PARD3B: variants seen among roughly 807,000 people sequenced by gnomAD.
PARD3B encodes the protein partitioning defective 3 homolog B.
PARD3B carries 103 observed loss-of-function variants against 130.2 expected under a neutral mutation model. The ratio of observed to expected loss-of-function variants is 0.79; its 90% CI spans 0.67 to 0.93. The LOEUF (loss-of-function observed/expected upper bound fraction) is 0.93, where lower values mean the gene tolerates loss of function less well. PARD3B is among the 40% of genes least tolerant of loss of function. The pLI, the probability that PARD3B is intolerant of heterozygous loss-of-function variation, is 0.00. For synonymous variants in PARD3B, 583 were observed against 553.2 expected, an observed-to-expected ratio of 1.05 and a Z score of -0.76; for missense variants, 1,609 against 1,499.2, an observed-to-expected ratio of 1.07 and a Z score of -1.21.
intron 18 of PARD3B, among the ~76,000 whole-genome samples, chr2:205,387,797 C>G (rs138031118): frequency 6.6e-6 from 1 of 152,262 alleles, no homozygotes; most frequent in Non-Finnish European, 1.5e-5. Flanking sequence ...ATACAGGTTG[C>G]AGATGCTCTG....
intron 2 of PARD3B, among the ~76,000 whole-genome samples, chr2:204,838,727 A>C (rs1020515986): frequency 2.0e-5 from 3 of 152,192 alleles, no homozygotes; most frequent in Admixed American, 2.0e-4. Flanking sequence ...TCTTTCTAGC[A>C]TACAGAAAAG....
At chr2:205,087,921 A>G (rs1701841895) in intron 4 of PARD3B, among the ~76,000 whole-genome samples, 1 of 152,176 alleles carries the variant, frequency 6.6e-6, no homozygotes, top group African/African-American at 2.4e-5. Context: ...CATACCAAAA[A>G]AAATACTTAA....
intron 21 of PARD3B, among the ~76,000 whole-genome samples, chr2:205,544,812 T>C (rs2052315489): frequency 6.6e-6 from 1 of 152,206 alleles, no homozygotes; most frequent in African/African-American, 2.4e-5. Flanking sequence ...GTGTTAGTGG[T>C]CAACATAAAT....
chr2:204,729,956 A>G (rs1380653289), intron 2 of PARD3B, among the ~76,000 whole-genome samples: 3 of 150,014 alleles, frequency 2.0e-5, no homozygotes, highest in Middle Eastern at 3.2e-3. Context: ...TATGTAAAGC[A>G]TTATTCTTTC....
Position 204,716,534 on chromosome 2 carries a change from G to A in PARD3B, c.222+30252G>A, listed in dbSNP as rs78269410. On this transcript the variant is annotated intron_variant, in intron 2 of 22. Transcript: ENST00000406610. ...CTAAAGGATGTACTTGGGGAAGACA[G>A]TGGAAATGGACTGTATGTAAAATTA... Among the ~76,000 whole-genome samples, 1,385 of 151,764 alleles carry A rather than the reference G, an allele frequency of 9.1e-3. 11 individuals carry two copies. Among genetic ancestry groups the A allele is most frequent in the African/African-American group, 0.03 (1,250 of 41,370 alleles).
At chr2:205,400,091 T>G (rs2046195303) in intron 18 of PARD3B, among the ~76,000 whole-genome samples, 1 of 152,186 alleles carries the variant, frequency 6.6e-6, no homozygotes, top group African/African-American at 2.4e-5. Flanking sequence ...AGTTTACCTT[T>G]AAGTGCCAAT....
At position 205,599,146 on chromosome 2, in the gene PARD3B, G is replaced by A. The variant is rs186478774; in HGVS notation, c.3261-16310G>A. ...GCAGAACTGAACCAAATGGAGACAT[G>A]CTCATTTCTTTCAACAGAAAGTGAA... On this transcript the variant is annotated intron_variant, in intron 22 of 22. Transcript: ENST00000406610. Among the ~76,000 whole-genome samples, 16 of 152,210 alleles carry A rather than the reference G, an allele frequency of 1.1e-4. No homozygotes were observed. In the East Asian group the frequency reaches 3.1e-3, roughly 29 times the overall value.
chr2:204,936,624 G>A (rs1688484348), intron 2 of PARD3B, among the ~76,000 whole-genome samples: 1 of 152,160 alleles, frequency 6.6e-6, no homozygotes, highest in Admixed American at 6.5e-5. Context: ...GTTCCAAATT[G>A]TACAAGAGAT....
intron 16 of PARD3B, among the ~76,000 whole-genome samples, chr2:205,261,178 G>C (rs1186321705): frequency 6.6e-6 from 1 of 152,078 alleles, no homozygotes; most frequent in Non-Finnish European, 1.5e-5. Flanking sequence ...CATGTGCAGA[G>C]TTTTATTCAT....
At chr2:205,005,533 A>G (rs1447146790) in intron 3 of PARD3B, among the ~76,000 whole-genome samples, 1 of 152,188 alleles carries the variant, frequency 6.6e-6, no homozygotes, top group African/African-American at 2.4e-5. Context: ...TTTCTCATCA[A>G]GCCTTTCAGA....
chr2:204,724,828 C>T (rs971063361), intron 2 of PARD3B, among the ~76,000 whole-genome samples: 8 of 106,918 alleles, frequency 7.5e-5, no homozygotes, highest in African/African-American at 1.8e-4. Context: ...TATATGTCAT[C>T]GAATAGTGGG....
chr2:205,379,755 C>T (rs1339122759), intron 18 of PARD3B, among the ~76,000 whole-genome samples: 2 of 151,814 alleles, frequency 1.3e-5, no homozygotes, highest in Non-Finnish European at 2.9e-5. Context: ...GCTCTTATTA[C>T]TTGAATACTT....
intron 1 of PARD3B, among the ~76,000 whole-genome samples, chr2:204,559,575 A>C (rs1484571142): frequency 6.6e-6 from 1 of 152,152 alleles, no homozygotes; most frequent in East Asian, 1.9e-4. Flanking sequence ...TAGGAATGCT[A>C]TTATGCTGTT....
At chr2:205,369,978 C>T (rs1313133504) in intron 18 of PARD3B, among the ~76,000 whole-genome samples, 1 of 152,174 alleles carries the variant, frequency 6.6e-6, no homozygotes, top group Non-Finnish European at 1.5e-5. Context: ...GCTCATGGCT[C>T]CTCCTAGAGA....
chr2:205,425,327 A>C (rs367740218), intron 19 of PARD3B, among the ~76,000 whole-genome samples: 1 of 152,212 alleles, frequency 6.6e-6, no homozygotes, highest in Non-Finnish European at 1.5e-5. Context: ...AACTCAGTGC[A>C]TTAGCAATGG....
chr2:205,532,732 A>C lies in PARD3B; in HGVS notation c.3181-20592A>C, dbSNP rs554489914. 3.9e-5 allele frequency among the ~76,000 whole-genome samples: 6 copies of C among 152,272 alleles called. No individual in the cohort carries two copies. In the South Asian group the frequency reaches 1.2e-3, roughly 32 times the overall value. ...CTGGAAATTTCCCTTAAACTTCGCTAAGTTAGGATGAGTTTGCCTGGAGCC... is the reference window on the plus strand; with the variant it reads ...CTGGAAATTTCCCTTAAACTTCGCTCAGTTAGGATGAGTTTGCCTGGAGCC... On this transcript the variant is annotated intron_variant, in intron 21 of 22. Coordinates refer to ENST00000406610, the MANE Select transcript of PARD3B (RefSeq NM_001302769.2).
At chr2:205,298,845 T>C (rs915006392) in intron 16 of PARD3B, among the ~76,000 whole-genome samples, 2 of 152,158 alleles carry the variant, frequency 1.3e-5, no homozygotes, top group Admixed American at 1.3e-4. Context: ...GACAGTAAAG[T>C]ACATGGTACA....
chr2:205,301,917 C>T lies in PARD3B; in HGVS notation c.2630+216C>T. 1 of 765,808 alleles carries T rather than the reference C, an allele frequency of 1.3e-6. No individual in the cohort carries two copies. 47.4% of individuals were successfully genotyped at this position (765,808 alleles called of 1,614,324 possible). ...CAGGACACTGTCTTAAGTTTGTTGT[C>T]AAAGAAAGGTCAACACTATGCCAGG... is the stretch of plus-strand genomic sequence containing the variant. On this transcript the variant is annotated intron_variant, in intron 18 of 22. Coordinates refer to ENST00000406610, the MANE Select transcript of PARD3B (RefSeq NM_001302769.2). This position sits in a 1 kb window ranked among gnomAD's most constrained non-coding sequence, Gnocchi z 5.2.
chr2:205,169,656 T>C (rs1215023346), intron 11 of PARD3B, among the ~76,000 whole-genome samples: 4 of 152,164 alleles, frequency 2.6e-5, no homozygotes, highest in Non-Finnish European at 5.9e-5. Flanking sequence ...TGAGGTGTCC[T>C]GCCAAGACAA....
Sources: gnomAD v4.1 joint callset for allele counts (sites outside exome capture counted in the v4.1 genomes callset) on GRCh38, gnomAD v4.1.1 for gene constraint, Gnocchi (gnomAD v3.1) non-coding constraint, MANE v1.5 for transcripts, NCBI Gene and HGNC (gene_info 2026-07-23, HGNC 2026-07-21) for gene names.